The following ZC3H18 variants were observed in gnomAD, a reference collection of about 807,000 sequenced individuals.
ZC3H18 encodes zinc finger CCCH domain-containing protein 18.
Under a neutral mutation model 106.1 loss-of-function variants are expected in ZC3H18, and 8 were observed. The observed-to-expected ratio is 0.08, with a 90% CI of 0.04 to 0.14. ZC3H18 has a LOEUF of 0.14. Among genes scored for constraint, ZC3H18 ranks in the 10% least tolerant of loss-of-function variants. The probability of loss-of-function intolerance (pLI) is 1.00; values close to 1 mark genes in which losing one functional copy is unlikely to be tolerated. For missense variants in ZC3H18, 1,318 were observed against 1,278.4 expected (o/e 1.03, Z -0.47); for synonymous variants, 635 against 522.1 (o/e 1.22, Z -2.95).
At chr16:88,591,145 A>G (rs1915727936) in intron 3 of ZC3H18, among the ~76,000 whole-genome samples, 1 of 151,528 alleles carries the variant, frequency 6.6e-6, no homozygotes, top group South Asian at 2.1e-4. Context: ...TAATTTTTGT[A>G]GTTTTTGGTA....
At chr16:88,590,429 C>G (rs1915675626) in intron 3 of ZC3H18, among the ~76,000 whole-genome samples, 1 of 152,170 alleles carries the variant, frequency 6.6e-6, no homozygotes, top group African/African-American at 2.4e-5. Context: ...TACACTACAA[C>G]TGGAGCTGTA....
intron 6 of ZC3H18, among the ~76,000 whole-genome samples, chr16:88,606,808 T>C (rs1466568319): frequency 6.6e-6 from 1 of 152,228 alleles, no homozygotes; most frequent in African/African-American, 2.4e-5. Flanking sequence ...GGACTGAAGC[T>C]GTGTCCTTTG....
intron 16 of ZC3H18, among the ~76,000 whole-genome samples, 161 bp downstream of exon 16, chr16:88,629,015 A>G (rs1474060919): frequency 2.0e-5 from 3 of 152,270 alleles, no homozygotes; most frequent in African/African-American, 4.8e-5. Context: ...GTTGAAAACT[A>G]AAACGAAGAA....
intron 11 of ZC3H18, chr16:88,624,365 G>A (rs1906160501): frequency 1.4e-6 from 1 of 689,668 alleles, no homozygotes. Flanking sequence ...CTGCCTGGCG[G>A]TGCCTGTAGC....
intron 1 of ZC3H18, chr16:88,571,724 C>T (rs1339582340): frequency 3.1e-6 from 3 of 971,394 alleles, no homozygotes; most frequent in African/African-American, 1.8e-5. Flanking sequence ...TATTTTGTCA[C>T]AGCTACAGAG....
chr16:88,587,653 AG>A lies in ZC3H18; in HGVS notation c.688+970del, dbSNP rs572838324. 2.2e-4 allele frequency: 331 copies of A among 1,505,576 alleles called. No individual in the cohort carries two copies. In the African/African-American group the frequency reaches 3.9e-3, roughly 18 times the overall value. 93.3% of individuals were successfully genotyped at this position (1,505,576 alleles called of 1,614,324 possible). ...ATATTCACTCTCTTCAGTACCTTAA[AG>A]TCCCCCTACTCCAGAGGCCAGACTT... On this transcript the variant is annotated intron_variant, in intron 3 of 17. Transcript: ENST00000301011.
chr16:88,624,321 C>T lies in ZC3H18; in HGVS notation c.1898+259C>T. 4.6e-6 allele frequency: 3 copies of T among 653,092 alleles called. No homozygotes were observed. In the East Asian group the frequency reaches 8.2e-5, roughly 18 times the overall value. The allele number at this position is 653,092 out of a possible 1,614,324, so 40.5% of individuals were successfully genotyped here. A position where few individuals can be genotyped will look rare whatever the true frequency, so the allele number is the denominator to read the frequency against. ...GGGGACACGGCAGCAGCCGGGTGTT[C>T]TTAAGGGGTCTTCCTATTAGCCTGC... On this transcript the variant is annotated intron_variant, in intron 11 of 17. Coordinates refer to ENST00000301011, the MANE Select transcript of ZC3H18 (RefSeq NM_144604.4).
intron 6 of ZC3H18, among the ~76,000 whole-genome samples, chr16:88,604,924 A>C (rs961815539): frequency 6.6e-6 from 1 of 151,946 alleles, no homozygotes; most frequent in Non-Finnish European, 1.5e-5. Flanking sequence ...GCCCCTGCCA[A>C]CTCCCCATAC....
At chr16:88,621,974 C>G (rs1293178505) in intron 8 of ZC3H18, among the ~76,000 whole-genome samples, 8 of 151,100 alleles carry the variant, frequency 5.3e-5, no homozygotes, top group Admixed American at 3.9e-4. Flanking sequence ...TCTGGGTGTT[C>G]CCCTGAGTAA....
rs1027306400 is a variant in ZC3H18 at position 88,624,508 on chromosome 16, T to C, written c.1899-94T>C. ...CACCGAGCGTCACAGGCATGCAGTG[T>C]CGTTCCCCGAGCTGTGGGTCCATTG... On this transcript the variant is annotated intron_variant, in intron 11 of 17. Coordinates refer to ENST00000301011, the MANE Select transcript of ZC3H18 (RefSeq NM_144604.4). 9.5e-6 allele frequency: 15 copies of C among 1,578,272 alleles called. No homozygotes were observed. In the African/African-American group the frequency reaches 1.8e-4, roughly 18 times the overall value.
chr16:88,623,705 C>A lies in ZC3H18; in HGVS notation c.1794-253C>A, dbSNP rs1165072949. On this transcript the variant is annotated intron_variant, in intron 10 of 17. Coordinates refer to ENST00000301011, the MANE Select transcript of ZC3H18 (RefSeq NM_144604.4). Reference sequence around the variant, plus strand: ...GCCAAGGAGCCTGTCTCCTCCTGTCCTGCACACACATGAACGTGACACTCG... The same window carrying A: ...GCCAAGGAGCCTGTCTCCTCCTGTCATGCACACACATGAACGTGACACTCG... 3.4e-5 allele frequency: 21 copies of A among 613,716 alleles called. 1 individual carries two copies. In the East Asian group the frequency reaches 6.0e-4, roughly 18 times the overall value. 38.0% of individuals were successfully genotyped at this position (613,716 alleles called of 1,614,324 possible).
intron 8 of ZC3H18, among the ~76,000 whole-genome samples, chr16:88,614,989 TG>T (rs1431725740): frequency 2.1e-5 from 3 of 142,070 alleles, no homozygotes; most frequent in African/African-American, 7.8e-5. Flanking sequence ...TCTGCCCAGA[TG>T]GGCTGCCCCC....
chr16:88,577,780 A>G, intron 2 of ZC3H18, 54 bp downstream of exon 2: 2 of 1,611,042 alleles, frequency 1.2e-6, no homozygotes, highest in South Asian at 1.1e-5. Context: ...AGCCTGACAT[A>G]GACTGGTGCT....
At position 88,631,803 on chromosome 16, in the gene ZC3H18, A is replaced by G. The variant is rs1231273751; in HGVS notation, c.*504A>G. The stretch of plus-strand genomic sequence containing the variant: ...CTCGACTAAAGTCTCATCAGGAAAT[A>G]TTTCCTGTCTTTTATTTTAAGCATC... On this transcript the variant is annotated 3_prime_UTR_variant, in exon 18 of 18. Transcript: ENST00000301011. The G allele has an allele frequency of 6.7e-6, 2 of 298,708 alleles. No homozygotes were observed. The highest frequency in any genetic ancestry group is 1.3e-5 in the Non-Finnish European group (2 of 150,978). The allele number at this position is 298,708 out of a possible 1,614,324, so 18.5% of individuals were successfully genotyped here. A position where few individuals can be genotyped will look rare whatever the true frequency, so the allele number is the denominator to read the frequency against.
intron 7 of ZC3H18, among the ~76,000 whole-genome samples, chr16:88,610,068 C>T (rs1038509059): frequency 3.3e-5 from 5 of 152,096 alleles, no homozygotes; most frequent in African/African-American, 7.2e-5. Context: ...AAGTCTGTTC[C>T]GGGCCTGCTG....
At chr16:88,592,325 G>T (rs1371107073) in intron 3 of ZC3H18, among the ~76,000 whole-genome samples, 1 of 152,150 alleles carries the variant, frequency 6.6e-6, no homozygotes, top group Non-Finnish European at 1.5e-5. Context: ...TCTTCTTGGA[G>T]AAATGTCTTT....
intron 1 of ZC3H18, among the ~76,000 whole-genome samples, chr16:88,575,327 C>G (rs987997839): frequency 4.6e-5 from 7 of 152,010 alleles, no homozygotes; most frequent in African/African-American, 1.7e-4. Context: ...ATGTGTATGA[C>G]TTGCTGCGTC....
chr16:88,594,849 T>A (rs1904346286), intron 3 of ZC3H18, among the ~76,000 whole-genome samples: 1 of 152,166 alleles, frequency 6.6e-6, no homozygotes, highest in Non-Finnish European at 1.5e-5. Context: ...GCGTAAAGAT[T>A]AATAAGAGAA....
intron 1 of ZC3H18, among the ~76,000 whole-genome samples, chr16:88,570,974 T>C (rs1296608929): frequency 6.6e-6 from 1 of 152,238 alleles, no homozygotes; most frequent in Non-Finnish European, 1.5e-5. Context: ...GCTGGGCTCT[T>C]CGGAGAACTT....
Sources: allele counts gnomAD v4.1 joint callset (sites outside exome capture counted in the v4.1 genomes callset), GRCh38; gene constraint gnomAD v4.1.1; transcripts MANE v1.5; gene names NCBI Gene and HGNC (gene_info 2026-07-23, HGNC 2026-07-21).